Variants in LUZP2 observed in about 807,000 individuals in gnomAD.
LUZP2 encodes leucine zipper protein 2.
LUZP2 carries 52 observed loss-of-function variants against 51.6 expected under a neutral mutation model. That is an observed-to-expected ratio of 1.01 (90% CI 0.81 to 1.27). LUZP2 has a LOEUF of 1.27. LUZP2 is among the 50% of genes most tolerant of loss of function. LUZP2 has a pLI of 0.00. For synonymous variants in LUZP2, 154 were observed against 137.3 expected, an observed-to-expected ratio of 1.12 and a Z score of -0.85; for missense variants, 436 against 395.4, an observed-to-expected ratio of 1.10 and a Z score of -0.87.
intron 9 of LUZP2, 144 bp downstream of exon 9, chr11:24,983,437 CA>C (rs1856098322): frequency 1.2e-6 from 1 of 811,366 alleles, no homozygotes; most frequent in African/African-American, 1.8e-5. Flanking sequence ...GGTAGTAACC[CA>C]GCTTGTAAAA....
chr11:24,903,792 G>A (rs1853352565), intron 5 of LUZP2, among the ~76,000 whole-genome samples: 1 of 152,074 alleles, frequency 6.6e-6, no homozygotes, highest in Non-Finnish European at 1.5e-5. Flanking sequence ...TAGCCACGAG[G>A]GGTTGGACTC....
chr11:24,582,637 T>C (rs536278052), intron 1 of LUZP2, among the ~76,000 whole-genome samples: 1 of 152,228 alleles, frequency 6.6e-6, no homozygotes, highest in African/African-American at 2.4e-5. Context: ...TTATAAGTGG[T>C]ACCCAGCAGC....
At chr11:24,643,853 C>T (rs1410279387) in intron 1 of LUZP2, among the ~76,000 whole-genome samples, 1 of 152,072 alleles carries the variant, frequency 6.6e-6, no homozygotes. Flanking sequence ...CTCTGTTTTC[C>T]ATGACTACAT....
At chr11:24,591,266 T>C (rs1393627249) in intron 1 of LUZP2, among the ~76,000 whole-genome samples, 1 of 152,012 alleles carries the variant, frequency 6.6e-6, no homozygotes, top group African/African-American at 2.4e-5. Flanking sequence ...GGCAGAGCCA[T>C]GCCCTTGGGT....
chr11:24,920,333 A>G (rs1371252580), intron 7 of LUZP2, among the ~76,000 whole-genome samples: 1 of 152,054 alleles, frequency 6.6e-6, no homozygotes, highest in East Asian at 1.9e-4. Context: ...GTTATTAAAA[A>G]TATACTATAG....
At chr11:24,766,925 C>A (rs963450001) in intron 5 of LUZP2, among the ~76,000 whole-genome samples, 9 of 152,034 alleles carry the variant, frequency 5.9e-5, no homozygotes, top group Admixed American at 4.6e-4. Flanking sequence ...CCAAACCCAG[C>A]TAATTTCTAT....
At chr11:24,625,995 A>G (rs1377863420) in intron 1 of LUZP2, among the ~76,000 whole-genome samples, 1 of 152,150 alleles carries the variant, frequency 6.6e-6, no homozygotes, top group Non-Finnish European at 1.5e-5. Context: ...AGAGATTTGT[A>G]ATATAAGGGC....
chr11:24,514,619 CT>C (rs1297431756), intron 1 of LUZP2, among the ~76,000 whole-genome samples: 1 of 151,990 alleles, frequency 6.6e-6, no homozygotes, highest in East Asian at 1.9e-4. Context: ...AATGGATGTT[CT>C]TTGTTTATGT....
intron 1 of LUZP2, among the ~76,000 whole-genome samples, chr11:24,688,457 C>T (rs552795377): frequency 2.0e-5 from 3 of 152,120 alleles, no homozygotes; most frequent in Non-Finnish European, 4.4e-5. Flanking sequence ...TCCTGAAAGT[C>T]TGATAATTGG....
chr11:24,985,418 A>G (rs1856160943), intron 9 of LUZP2, among the ~76,000 whole-genome samples: 1 of 151,716 alleles, frequency 6.6e-6, no homozygotes, highest in Admixed American at 6.6e-5. Context: ...TCTTTCGAAT[A>G]TATAAAAAGT....
At chr11:24,737,491 A>T (rs1858985585) in intron 3 of LUZP2, among the ~76,000 whole-genome samples, 1 of 138,498 alleles carries the variant, frequency 7.2e-6, no homozygotes, top group African/African-American at 2.5e-5. Flanking sequence ...ATTTGAGGTG[A>T]TAGCTCGAGT....
chr11:24,929,464 A>C (rs1436931012), intron 7 of LUZP2, among the ~76,000 whole-genome samples: 1 of 152,040 alleles, frequency 6.6e-6, no homozygotes, highest in Non-Finnish European at 1.5e-5. Flanking sequence ...CCATCTTGAT[A>C]TCATTGTTTA....
intron 7 of LUZP2, among the ~76,000 whole-genome samples, chr11:24,943,338 TG>T (rs1185048865): frequency 1.3e-5 from 2 of 152,174 alleles, no homozygotes; most frequent in Non-Finnish European, 2.9e-5. Flanking sequence ...TTTTACTGTC[TG>T]TTTTTTATTT....
At chr11:24,998,043 T>G (rs1199034346) in intron 9 of LUZP2, among the ~76,000 whole-genome samples, 1 of 152,186 alleles carries the variant, frequency 6.6e-6, no homozygotes, top group Non-Finnish European at 1.5e-5. Context: ...TAGTTTGAAG[T>G]CAGGTAGCGT....
At chr11:24,510,892 C>T (rs1039164412) in intron 1 of LUZP2, among the ~76,000 whole-genome samples, 1 of 152,160 alleles carries the variant, frequency 6.6e-6, no homozygotes, top group Non-Finnish European at 1.5e-5. Flanking sequence ...ACCCCAGCTC[C>T]TTCCAGCTTG....
chr11:24,843,538 G>A (rs576867885), intron 5 of LUZP2, among the ~76,000 whole-genome samples: 3 of 152,170 alleles, frequency 2.0e-5, no homozygotes, highest in Admixed American at 6.6e-5. Flanking sequence ...CAAGCATGTT[G>A]AAATAAAATA....
intron 1 of LUZP2, among the ~76,000 whole-genome samples, chr11:24,699,643 A>G (rs1258211896): frequency 6.8e-6 from 1 of 147,108 alleles, no homozygotes; most frequent in Admixed American, 7.1e-5. Flanking sequence ...GCTAAGAACA[A>G]TAGCCTTGGC....
At chr11:24,854,411 G>T (rs1851488263) in intron 5 of LUZP2, among the ~76,000 whole-genome samples, 1 of 152,198 alleles carries the variant, frequency 6.6e-6, no homozygotes, top group South Asian at 2.1e-4. Flanking sequence ...CAGCAGCTTT[G>T]TTTACACTAT....
chr11:24,924,137 G>T (rs1854158191), intron 7 of LUZP2, among the ~76,000 whole-genome samples: 1 of 151,594 alleles, frequency 6.6e-6, no homozygotes, highest in African/African-American at 2.4e-5. Context: ...GAGTGCAGTG[G>T]CGTGATCTCG....
Sources: gnomAD v4.1 joint callset for allele counts (sites outside exome capture counted in the v4.1 genomes callset) on GRCh38, gnomAD v4.1.1 for gene constraint, MANE v1.5 for transcripts, NCBI Gene and HGNC (gene_info 2026-07-23, HGNC 2026-07-21) for gene names.